The following WWOX variants were observed in gnomAD, a reference collection of about 807,000 sequenced individuals.
The protein encoded by WWOX is WW domain-containing oxidoreductase.
Under a neutral mutation model 46.2 loss-of-function variants are expected in WWOX, and 69 were observed. The observed-to-expected ratio is 1.49, with a 90% confidence interval of 1.23 to 1.82. The LOEUF (loss-of-function observed/expected upper bound fraction) is 1.82. WWOX is among the 40% of genes most tolerant of loss of function. The pLI is 0.00. For synonymous variants in WWOX, 359 were observed against 202.6 expected, an observed-to-expected ratio of 1.77 and a Z score of -6.56; for missense variants, 919 against 542.6, an observed-to-expected ratio of 1.69 and a Z score of -6.89.
At chr16:78,861,763 A>G (rs1324845226) in intron 8 of WWOX, among the ~76,000 whole-genome samples, 2 of 152,164 alleles carry the variant, frequency 1.3e-5, no homozygotes, top group Non-Finnish European at 2.9e-5. Flanking sequence ...TGATTTTTCA[A>G]AAGTTGGTTG....
intron 5 of WWOX, among the ~76,000 whole-genome samples, chr16:78,180,608 A>G (rs1361069675): frequency 6.6e-6 from 1 of 151,838 alleles, no homozygotes; most frequent in African/African-American, 2.4e-5. Flanking sequence ...GGGTAAATCC[A>G]GTTGCACCTG....
At chr16:78,700,030 C>G (rs1226133022) in intron 8 of WWOX, among the ~76,000 whole-genome samples, 1 of 152,004 alleles carries the variant, frequency 6.6e-6, no homozygotes, top group East Asian at 1.9e-4. Flanking sequence ...TGGATACTTA[C>G]AACATAGAAA....
At chr16:78,633,452 A>T (rs79214537) in intron 8 of WWOX, among the ~76,000 whole-genome samples, 2,538 of 152,140 alleles carry the variant, frequency 0.017, 64 homozygotes, top group African/African-American at 0.059. Flanking sequence ...TGCATTTTGT[A>T]CCGTATGACT....
At chr16:78,597,032 A>T (rs984399895) in intron 8 of WWOX, among the ~76,000 whole-genome samples, 1 of 151,880 alleles carries the variant, frequency 6.6e-6, no homozygotes, top group Non-Finnish European at 1.5e-5. Context: ...TCCCAATCTC[A>T]TTGCTGCTCC....
At chr16:78,845,015 C>T (rs897581249) in intron 8 of WWOX, among the ~76,000 whole-genome samples, 2 of 152,186 alleles carry the variant, frequency 1.3e-5, no homozygotes, top group African/African-American at 4.8e-5. Flanking sequence ...ACCATGCGGA[C>T]ACAGCGCAGT....
In WWOX at chr16:78,478,510, C is replaced by T. The variant is rs941986209; in HGVS notation, c.1056+45758C>T. Among the ~76,000 whole-genome samples, 4 of 152,272 alleles carry T rather than the reference C, an allele frequency of 2.6e-5. No homozygotes were observed. In the South Asian group the frequency reaches 8.3e-4, roughly 32 times the overall value. On this transcript the variant is annotated intron_variant, in intron 8 of 8. Transcript: ENST00000566780. ...CCACAAAACAGGGCCAGGTGTAACACACTAAGAACAAATGGCTTGGCAGCC... is the reference window on the plus strand; with the variant it reads ...CCACAAAACAGGGCCAGGTGTAACATACTAAGAACAAATGGCTTGGCAGCC...
At chr16:78,650,778 G>T (rs1173249242) in intron 8 of WWOX, among the ~76,000 whole-genome samples, 1 of 152,106 alleles carries the variant, frequency 6.6e-6, no homozygotes, top group Non-Finnish European at 1.5e-5. Flanking sequence ...GTCTCCCCCT[G>T]TCCCACAAAT....
chr16:78,476,495 T>C (rs1008586203), intron 8 of WWOX, among the ~76,000 whole-genome samples: 35 of 152,058 alleles, frequency 2.3e-4, no homozygotes, highest in African/African-American at 8.0e-4. Context: ...TTAGGAGATA[T>C]ACCTAATGTA....
intron 8 of WWOX, among the ~76,000 whole-genome samples, chr16:78,589,674 CT>C (rs1186547662): frequency 3.3e-5 from 5 of 152,178 alleles, no homozygotes; most frequent in Admixed American, 6.5e-5. Context: ...GATAAAATAC[CT>C]GGATTGCATC....
intron 8 of WWOX, among the ~76,000 whole-genome samples, chr16:79,020,492 A>C (rs1238210228): frequency 6.6e-6 from 1 of 152,216 alleles, no homozygotes; most frequent in Non-Finnish European, 1.5e-5. Flanking sequence ...AGTTAGGAGG[A>C]TTAAATGCAA....
chr16:78,741,016 C>T (rs1276056815), intron 8 of WWOX, among the ~76,000 whole-genome samples: 5 of 152,150 alleles, frequency 3.3e-5, no homozygotes, highest in Non-Finnish European at 5.9e-5. Context: ...GGATACACCA[C>T]GATGATCCAC....
intron 1 of WWOX, among the ~76,000 whole-genome samples, chr16:78,103,239 GCTGTTTTTTTT>G (rs2031916230): frequency 8.2e-6 from 1 of 122,378 alleles, no homozygotes; most frequent in South Asian, 3.1e-4. Flanking sequence ...CTCTGGCTCC[GCTGTTTTTTTT>G]TTTTTTTTTT....
intron 8 of WWOX, among the ~76,000 whole-genome samples, chr16:78,841,433 C>G (rs375940742): frequency 6.6e-6 from 1 of 152,154 alleles, no homozygotes; most frequent in Admixed American, 6.5e-5. Flanking sequence ...TCAGTGACAT[C>G]GTGTTGGTAG....
intron 8 of WWOX, among the ~76,000 whole-genome samples, chr16:78,521,320 G>C (rs2043343886): frequency 1.3e-5 from 2 of 152,060 alleles, no homozygotes; most frequent in South Asian, 2.1e-4. Context: ...GCCTCCCAAA[G>C]TGCTGGAAAT....
At chr16:79,119,121 T>C (rs1309898692) in intron 8 of WWOX, among the ~76,000 whole-genome samples, 2 of 152,252 alleles carry the variant, frequency 1.3e-5, no homozygotes, top group Non-Finnish European at 1.5e-5. Flanking sequence ...TCCAAAAGGT[T>C]TGTAGCAATT....
chr16:78,686,393 C>T (rs1446659848), intron 8 of WWOX, among the ~76,000 whole-genome samples: 1 of 152,072 alleles, frequency 6.6e-6, no homozygotes, highest in Non-Finnish European at 1.5e-5. Context: ...CGCCTGTAGT[C>T]CCAGCTAGTC....
At chr16:78,355,156 T>C (rs914691192) in intron 5 of WWOX, among the ~76,000 whole-genome samples, 2 of 151,984 alleles carry the variant, frequency 1.3e-5, no homozygotes, top group African/African-American at 4.8e-5. Context: ...GTAGAGAGGA[T>C]AGTATAATGA....
chr16:78,151,428 A>G (rs972572192), intron 4 of WWOX, among the ~76,000 whole-genome samples: 1 of 152,086 alleles, frequency 6.6e-6, no homozygotes, highest in Non-Finnish European at 1.5e-5. Context: ...TGAAATGACA[A>G]TGACACTTTA....
intron 8 of WWOX, among the ~76,000 whole-genome samples, chr16:78,599,045 A>G (rs2045560270): frequency 1.3e-5 from 2 of 152,160 alleles, no homozygotes; most frequent in African/African-American, 4.8e-5. Context: ...ATCAAACTGG[A>G]CTTTGGGGCT....
Sources: allele counts gnomAD v4.1 joint callset (sites outside exome capture counted in the v4.1 genomes callset), GRCh38; gene constraint gnomAD v4.1.1; transcripts MANE v1.5; gene names NCBI Gene and HGNC (gene_info 2026-07-23, HGNC 2026-07-21).